The following TMEM132D variants were observed in gnomAD, a reference collection of about 807,000 sequenced individuals.
TMEM132D encodes the protein mature OL transmembrane protein.
Under a neutral mutation model 62.3 loss-of-function variants are expected in TMEM132D, and 21 were observed. The ratio of observed to expected loss-of-function variants is 0.34; its 90% CI spans 0.24 to 0.49. TMEM132D has a LOEUF of 0.49. TMEM132D is among the 20% of genes least tolerant of loss of function. The pLI is 0.99. For missense variants in TMEM132D, 1,346 were observed against 1,402.8 expected (o/e 0.96, Z 0.65); for synonymous variants, 621 against 575.6 (o/e 1.08, Z -1.13).
intron 2 of TMEM132D, among the ~76,000 whole-genome samples, chr12:129,662,992 C>T (rs1048720060): frequency 3.3e-5 from 5 of 152,156 alleles, no homozygotes; most frequent in African/African-American, 1.2e-4. Flanking sequence ...GAGACCCAGG[C>T]TCCTTCCAGC....
At chr12:129,625,414 A>C (rs931179357) in intron 2 of TMEM132D, among the ~76,000 whole-genome samples, 9 of 152,170 alleles carry the variant, frequency 5.9e-5, no homozygotes, top group African/African-American at 2.2e-4. Context: ...CACCTTTGGC[A>C]CCTGCACACC....
chr12:129,819,751 G>C (rs532211830), intron 1 of TMEM132D, among the ~76,000 whole-genome samples: 2 of 152,218 alleles, frequency 1.3e-5, no homozygotes, highest in Non-Finnish European at 1.5e-5. Context: ...ATTATTCCTA[G>C]TACCAGCACT....
chr12:129,125,837 G>A (rs746187677), intron 5 of TMEM132D, among the ~76,000 whole-genome samples: 37 of 152,130 alleles, frequency 2.4e-4, no homozygotes, highest in Non-Finnish European at 4.1e-4. Flanking sequence ...GTCATGCGGA[G>A]CCTGCAAACC....
intron 4 of TMEM132D, among the ~76,000 whole-genome samples, chr12:129,231,835 A>G (rs1879648839): frequency 6.6e-6 from 1 of 152,206 alleles, no homozygotes; most frequent in Non-Finnish European, 1.5e-5. Flanking sequence ...TTTTCTTCCT[A>G]AGGTCCTGGG....
At chr12:129,189,902 T>A (rs1054897295) in intron 5 of TMEM132D, among the ~76,000 whole-genome samples, 6 of 152,214 alleles carry the variant, frequency 3.9e-5, no homozygotes, top group African/African-American at 1.4e-4. Context: ...GATGTTGAGA[T>A]GGGGAAGCTA....
intron 4 of TMEM132D, among the ~76,000 whole-genome samples, chr12:129,248,525 AT>A (rs34055164): frequency 0.72 from 107,500 of 149,638 alleles, 38,650 homozygotes; most frequent in Middle Eastern, 0.76. Context: ...ACAGGGGCTG[AT>A]TTTTTTTTTT....
chr12:129,461,092 C>T (rs1044409190), intron 3 of TMEM132D, among the ~76,000 whole-genome samples: 1 of 152,154 alleles, frequency 6.6e-6, no homozygotes, highest in Non-Finnish European at 1.5e-5. Context: ...TGCTACTCTG[C>T]TGATAAGGGT....
intron 3 of TMEM132D, among the ~76,000 whole-genome samples, chr12:129,444,330 G>A (rs967509133): frequency 3.1e-4 from 47 of 152,178 alleles, no homozygotes; most frequent in South Asian, 2.9e-3. Context: ...GACAACTTAC[G>A]GAATGGGGGA....
Position 129,334,404 on chromosome 12 carries a change from A to C in TMEM132D, c.1299+3230T>G, listed in dbSNP as rs188144939. Among the ~76,000 whole-genome samples the C allele has an allele frequency of 1.9e-4, 28 of 148,424 alleles. No individual in the cohort carries two copies. In the East Asian group the frequency reaches 4.6e-3, roughly 25 times the overall value. On this transcript the variant is annotated intron_variant, in intron 4 of 8. Coordinates refer to ENST00000422113, the MANE Select transcript of TMEM132D (RefSeq NM_133448.3). Reference sequence around the variant, plus strand: ...AATAAAGATAGAATGAACAAAAGCAAAGTAATTTAATAACGGCAACCACAT... The same window carrying C: ...AATAAAGATAGAATGAACAAAAGCACAGTAATTTAATAACGGCAACCACAT...
At chr12:129,208,154 C>A (rs1228467286) in intron 5 of TMEM132D, among the ~76,000 whole-genome samples, 2 of 152,080 alleles carry the variant, frequency 1.3e-5, no homozygotes, top group Non-Finnish European at 2.9e-5. Context: ...AGGTCACCAG[C>A]AAGGTGGTCA....
chr12:129,209,659 G>A lies in TMEM132D; in HGVS notation c.1304C>T (p.Ala435Val). The A allele has an allele frequency of 6.2e-7, 1 of 1,614,110 alleles. No individual in the cohort carries two copies. Among genetic ancestry groups the A allele is most frequent in the Non-Finnish European group, 8.5e-7 (1 of 1,180,004 alleles). Residue 435 changes from alanine to valine, a missense_variant, in exon 5 of 9, where the codon GCA becomes GTA. Transcript: ENST00000422113. ...GAGGATGGCTGTGTTCAGGATTTCT[G>A]CCTCCTGGAAGACCAAACACACCCT... is the stretch of plus-strand genomic sequence containing the variant. ...LIGVVPLAME[A>V]EILNTAILTG...
At chr12:129,246,599 T>C (rs10773625) in intron 4 of TMEM132D, among the ~76,000 whole-genome samples, 68,367 of 151,710 alleles carry the variant, frequency 0.45, 15,657 homozygotes, top group Middle Eastern at 0.53. Flanking sequence ...CTTCTAAAAA[T>C]ACAAAAATGA....
At chr12:129,200,619 G>A (rs1193479812) in intron 5 of TMEM132D, among the ~76,000 whole-genome samples, 1 of 152,216 alleles carries the variant, frequency 6.6e-6, no homozygotes, top group East Asian at 1.9e-4. Context: ...AAAAAAAGAA[G>A]GGACTATTTA....
At chr12:129,815,314 T>C (rs1161800067) in intron 1 of TMEM132D, among the ~76,000 whole-genome samples, 4 of 152,314 alleles carry the variant, frequency 2.6e-5, no homozygotes, top group African/African-American at 7.2e-5. Context: ...TTCAAAATAG[T>C]GTACATGTGA....
rs140672016 is a variant in TMEM132D at position 129,074,019 on chromosome 12, G to A, written c.3156C>T (p.Ala1052=). 73 of 1,613,822 alleles carry A rather than the reference G, an allele frequency of 4.5e-5. No homozygotes were observed. The highest frequency in any genetic ancestry group is 5.5e-5 in the Non-Finnish European group (65 of 1,179,930). The stretch of plus-strand genomic sequence containing the variant: ...TGGGGTACTCGTCGTCTGAGGAGAC[G>A]GCGGTGAAGGTGGTAAATTTTACCC... ...RKRVKFTTFT[A]VSSDDEYPTR... The change falls in exon 9 of 9, where the codon GCC becomes GCT. Residue 1052 remains alanine (A), a synonymous_variant. Transcript: ENST00000422113.
At chr12:129,627,117 A>C (rs766891602) in intron 2 of TMEM132D, among the ~76,000 whole-genome samples, 13 of 151,536 alleles carry the variant, frequency 8.6e-5, no homozygotes, top group Non-Finnish European at 1.3e-4. Context: ...AAAATACGAG[A>C]TCTTACACCA....
intron 5 of TMEM132D, among the ~76,000 whole-genome samples, chr12:129,166,712 CA>C (rs1877565980): frequency 9.5e-6 from 1 of 104,936 alleles, no homozygotes; most frequent in African/African-American, 3.2e-5. Context: ...CACACACACA[CA>C]TATACACACA....
intron 3 of TMEM132D, among the ~76,000 whole-genome samples, chr12:129,421,548 T>C (rs1054718933): frequency 3.3e-5 from 5 of 152,174 alleles, no homozygotes; most frequent in African/African-American, 1.2e-4. Flanking sequence ...TCCCAACCCT[T>C]AGAAACAAGA....
chr12:129,299,459 T>C (rs1881656449), intron 4 of TMEM132D, among the ~76,000 whole-genome samples: 1 of 150,706 alleles, frequency 6.6e-6, no homozygotes, highest in African/African-American at 2.5e-5. Flanking sequence ...AGAAAAAATT[T>C]CAACTGTTTT....
Sources: gnomAD v4.1 joint callset for allele counts (sites outside exome capture counted in the v4.1 genomes callset) on GRCh38, gnomAD v4.1.1 for gene constraint, MANE v1.5 for transcripts, NCBI Gene and HGNC (gene_info 2026-07-23, HGNC 2026-07-21) for gene names.